The following PLAAT3 variants were observed in gnomAD, a reference collection of about 807,000 sequenced individuals.
PLAAT3 encodes the protein phospholipase A and acyltransferase 3.
A neutral mutation model predicts 16.7 loss-of-function variants in PLAAT3; 21 were observed. That is an observed-to-expected ratio of 1.26 (90% CI 0.89 to 1.81). The LOEUF is 1.81. Among genes scored for constraint, PLAAT3 ranks in the 40% most tolerant of loss-of-function variants. PLAAT3 has a pLI of 0.00. For synonymous variants in PLAAT3, 76 were observed against 81.7 expected, an observed-to-expected ratio of 0.93 and a Z score of 0.38; for missense variants, 219 against 213.7, an observed-to-expected ratio of 1.02 and a Z score of -0.16.
intron 3 of PLAAT3, among the ~76,000 whole-genome samples, chr11:63,594,558 C>T (rs1402815223): frequency 6.6e-6 from 1 of 151,918 alleles, no homozygotes; most frequent in Admixed American, 6.6e-5. Context: ...TTGAGAACTG[C>T]TCTGTCAGGG....
chr11:63,596,298 A>G (rs1351201368), intron 3 of PLAAT3, among the ~76,000 whole-genome samples: 1 of 151,600 alleles, frequency 6.6e-6, no homozygotes, highest in Non-Finnish European at 1.5e-5. Flanking sequence ...GTCACGGCAT[A>G]AAAAACACAT....
intron 3 of PLAAT3, among the ~76,000 whole-genome samples, chr11:63,591,239 G>A (rs147808478): frequency 1.0e-3 from 156 of 152,224 alleles, no homozygotes; most frequent in East Asian, 8.3e-3. Flanking sequence ...AAAACTAGCC[G>A]TGTATGGTGG....
chr11:63,604,312 T>TA (rs1938505052), intron 2 of PLAAT3, among the ~76,000 whole-genome samples: 1 of 152,148 alleles, frequency 6.6e-6, no homozygotes, highest in South Asian at 2.1e-4. Flanking sequence ...ATTTTATTAA[T>TA]ATGAATTACT....
At chr11:63,608,714 C>CA (rs932855326) in intron 2 of PLAAT3, 48 of 152,116 alleles carry the variant, frequency 3.2e-4, no homozygotes, top group African/African-American at 1.0e-3. Context: ...TTCAGGACTA[C>CA]AAAAAATACA....
At chr11:63,613,941 G>A (rs1394092836) in intron 2 of PLAAT3, 59 bp downstream of exon 2, 2 of 1,056,730 alleles carry the variant, frequency 1.9e-6, no homozygotes, top group East Asian at 2.4e-5. Flanking sequence ...CCGAGACAAC[G>A]AGTCCCCACT....
chr11:63,581,895 CAGT>C (rs1359341761), intron 4 of PLAAT3, among the ~76,000 whole-genome samples: 1 of 152,142 alleles, frequency 6.6e-6, no homozygotes, highest in Admixed American at 6.6e-5. Flanking sequence ...CCCCCAATAC[CAGT>C]AACCTCTAGA....
intron 4 of PLAAT3, among the ~76,000 whole-genome samples, chr11:63,577,692 A>G (rs1565245531): frequency 2.0e-5 from 3 of 152,240 alleles, no homozygotes; most frequent in African/African-American, 7.2e-5. Context: ...ATTGCATCCA[A>G]AAGGAAACGT....
chr11:63,609,327 A>G (rs943000273), intron 2 of PLAAT3, among the ~76,000 whole-genome samples: 3 of 152,232 alleles, frequency 2.0e-5, no homozygotes, highest in African/African-American at 7.2e-5. Flanking sequence ...AGAAAAACCC[A>G]TAAGAAGCTA....
chr11:63,584,799 C>T (rs989808240), intron 4 of PLAAT3, among the ~76,000 whole-genome samples: 12 of 151,346 alleles, frequency 7.9e-5, no homozygotes, highest in Non-Finnish European at 1.3e-4. Flanking sequence ...CGTGAGCCAC[C>T]GCACCTGGCC....
At chr11:63,583,802 T>A (rs1333159514) in intron 4 of PLAAT3, among the ~76,000 whole-genome samples, 1 of 152,212 alleles carries the variant, frequency 6.6e-6, no homozygotes, top group Non-Finnish European at 1.5e-5. Flanking sequence ...AAGACTGTTT[T>A]TTTTTTAAGT....
chr11:63,605,601 G>T (rs1043867903), intron 2 of PLAAT3, among the ~76,000 whole-genome samples: 10 of 151,874 alleles, frequency 6.6e-5, no homozygotes, highest in African/African-American at 2.2e-4. Flanking sequence ...CGCCCAGGCT[G>T]GAGTGCAGTG....
In PLAAT3 at chr11:63,590,194, T is replaced by A. The variant is rs1467752478; in HGVS notation, c.293A>T (p.Glu98Val). The A allele has an allele frequency of 6.2e-7, 1 of 1,614,132 alleles. No homozygotes were observed. Among genetic ancestry groups the A allele is most frequent in the South Asian group, 1.1e-5 (1 of 91,080 alleles). ...PCSKIIQRAE[E>V]LVGQEVLYKL... ...GTAGAGCACCTCCTGCCCCACCAGC[T>A]CCTCCGCCCGCTGGATGATTTTGCT... The change falls in exon 4 of 5, where the codon GAG becomes GTG. Residue 98 changes from glutamate (E) to valine (V), a missense_variant. Transcript: ENST00000415826.
chr11:63,580,537 C>T (rs1937780819), intron 4 of PLAAT3, among the ~76,000 whole-genome samples: 2 of 152,128 alleles, frequency 1.3e-5, no homozygotes, highest in South Asian at 4.1e-4. Context: ...GCCTCTAATC[C>T]CAGCTACTTG....
chr11:63,602,314 A>G (rs921723832), intron 2 of PLAAT3, among the ~76,000 whole-genome samples: 2 of 151,920 alleles, frequency 1.3e-5, no homozygotes, highest in African/African-American at 4.8e-5. Flanking sequence ...GATTAAAGGG[A>G]ACAAATAAAC....
intron 2 of PLAAT3, among the ~76,000 whole-genome samples, chr11:63,604,920 A>T (rs1938518714): frequency 6.6e-6 from 1 of 152,166 alleles, no homozygotes; most frequent in East Asian, 1.9e-4. Flanking sequence ...AAGACTAGAA[A>T]GCTCTATAAC....
At chr11:63,614,742 G>A (rs1938789804), upstream of PLAAT3, among the ~76,000 whole-genome samples, 1 of 151,842 alleles carries the variant, frequency 6.6e-6, no homozygotes, top group Non-Finnish European at 1.5e-5. Flanking sequence ...AGGGCCGGGC[G>A]CGGTGGCTCA....
chr11:63,592,113 C>T (rs2134410295), intron 3 of PLAAT3, among the ~76,000 whole-genome samples: 1 of 152,320 alleles, frequency 6.6e-6, no homozygotes. Context: ...TCCCCAAATA[C>T]ACACTAAAAT....
intron 2 of PLAAT3, among the ~76,000 whole-genome samples, chr11:63,606,412 G>A (rs938727682): frequency 3.1e-5 from 4 of 129,918 alleles, no homozygotes; most frequent in Non-Finnish European, 6.7e-5. Context: ...GCAAAACCCC[G>A]TCTCTACTAT....
intron 4 of PLAAT3, among the ~76,000 whole-genome samples, chr11:63,586,134 ACG>A (rs1937969698): frequency 6.6e-6 from 1 of 151,636 alleles, no homozygotes; most frequent in East Asian, 1.9e-4. Flanking sequence ...GTGTGTGTGC[ACG>A]TGTATGTGTG....
Sources: gnomAD v4.1 joint callset for allele counts (sites outside exome capture counted in the v4.1 genomes callset) on GRCh38, gnomAD v4.1.1 for gene constraint, MANE v1.5 for transcripts, NCBI Gene and HGNC (gene_info 2026-07-23, HGNC 2026-07-21) for gene names.